Variants in ABCC1 observed in about 807,000 individuals in gnomAD.
ABCC1 encodes ATP binding cassette subfamily C member 1 (ABCC1 blood group), also known as multidrug resistance-associated protein 1.
A neutral mutation model predicts 172.9 loss-of-function variants in ABCC1; 83 were observed. That is an observed-to-expected ratio of 0.48 (90% CI 0.40 to 0.58). ABCC1 has a LOEUF of 0.58. Ranked by LOEUF, ABCC1 falls within the 20% of genes least tolerant of loss-of-function variation. The pLI, the probability that ABCC1 is intolerant of heterozygous loss-of-function variation, is 0.00. For synonymous variants in ABCC1, 937 were observed against 825.2 expected, an observed-to-expected ratio of 1.14 and a Z score of -2.32; for missense variants, 1,817 against 2,002.7, an observed-to-expected ratio of 0.91 and a Z score of 1.77.
intron 26 of ABCC1, among the ~76,000 whole-genome samples, chr16:16,130,490 A>G (rs1245982772): frequency 1.3e-5 from 2 of 152,214 alleles, no homozygotes; most frequent in Non-Finnish European, 2.9e-5. Flanking sequence ...GGAGAAACAG[A>G]GACCATAGTG....
chr16:16,136,306 G>A (rs2045915541), intron 28 of ABCC1, among the ~76,000 whole-genome samples, 172 bp from the exon 29 acceptor site: 1 of 152,112 alleles, frequency 6.6e-6, no homozygotes, highest in African/African-American at 2.4e-5. Context: ...TTACAGGCGT[G>A]AACCACCGTA....
At chr16:16,023,704 C>T (rs1426053598) in intron 5 of ABCC1, among the ~76,000 whole-genome samples, 2 of 152,056 alleles carry the variant, frequency 1.3e-5, no homozygotes, top group African/African-American at 4.8e-5. Context: ...GAGGGAAGTG[C>T]TGGGAGTTGT....
intron 4 of ABCC1, among the ~76,000 whole-genome samples, chr16:16,016,149 GTTTTTT>G (rs71137903): frequency 2.4e-5 from 2 of 84,276 alleles, no homozygotes; most frequent in African/African-American, 4.9e-5. Context: ...TGTGATCTTG[GTTTTTT>G]TTTTTTTTTT....
At chr16:16,006,006 T>A (rs2014793) in intron 1 of ABCC1, among the ~76,000 whole-genome samples, 67,048 of 143,168 alleles carry the variant, frequency 0.47, 15,863 homozygotes, top group Non-Finnish European at 0.54. Flanking sequence ...AAAAAAAAAA[T>A]AAAAATAAAA....
chr16:16,047,254 T>G (rs2049249057), intron 9 of ABCC1, among the ~76,000 whole-genome samples: 1 of 152,140 alleles, frequency 6.6e-6, no homozygotes, highest in Non-Finnish European at 1.5e-5. Context: ...AAATTGCGAT[T>G]GCTGTGGTGG....
chr16:16,034,762 ATTT>A, intron 6 of ABCC1, among the ~76,000 whole-genome samples: 1 of 151,604 alleles, frequency 6.6e-6, no homozygotes. Flanking sequence ...TAATTTTTGT[ATTT>A]TTAGTAGAGA....
At chr16:16,029,265 C>T (rs1253530517) in intron 5 of ABCC1, among the ~76,000 whole-genome samples, 1 of 152,084 alleles carries the variant, frequency 6.6e-6, no homozygotes, top group East Asian at 1.9e-4. Flanking sequence ...CACTATTACC[C>T]AGGCTGGAGT....
At chr16:15,957,281 T>C (rs1437758971) in intron 1 of ABCC1, among the ~76,000 whole-genome samples, 2 of 150,646 alleles carry the variant, frequency 1.3e-5, no homozygotes, top group East Asian at 3.9e-4. Context: ...AGATAGGGTT[T>C]TGCCATGTTG....
intron 4 of ABCC1, among the ~76,000 whole-genome samples, chr16:16,015,224 C>G (rs932613835): frequency 1.2e-4 from 18 of 149,664 alleles, no homozygotes; most frequent in African/African-American, 4.4e-4. Context: ...ACTGTAACTT[C>G]TACCTCCTAT....
At chr16:16,129,542 T>G (rs1443047702) in intron 26 of ABCC1, among the ~76,000 whole-genome samples, 2 of 150,532 alleles carry the variant, frequency 1.3e-5, no homozygotes, top group Non-Finnish European at 3.0e-5. Context: ...TTTTTTTGTT[T>G]TTTTTTTTTT....
intron 19 of ABCC1, among the ~76,000 whole-genome samples, chr16:16,093,255 T>C (rs2051324419): frequency 6.6e-6 from 1 of 152,036 alleles, no homozygotes; most frequent in South Asian, 2.1e-4. Context: ...CCCTTTGTGC[T>C]CTCTAAATCA....
Position 16,141,771 on chromosome 16 carries a change from T to A in ABCC1, c.*490T>A, listed in dbSNP as rs1475031804. 6.3e-6 allele frequency: 1 copy of A among 157,550 alleles called. No individual in the cohort carries two copies. Among genetic ancestry groups the A allele is most frequent in the African/African-American group, 2.4e-5 (1 of 41,640 alleles). 9.8% of individuals were successfully genotyped at this position (157,550 alleles called of 1,614,324 possible). On this transcript the variant is annotated 3_prime_UTR_variant, in exon 31 of 31. Transcript: ENST00000399410. ...CTGGGTCTACCAGGAACGCTTCATT[T>A]CCTTGGGGCTGCAGTTTTGTGGTTG... is the stretch of plus-strand genomic sequence containing the variant.
chr16:16,061,295 G>T (rs2049899328), intron 12 of ABCC1, among the ~76,000 whole-genome samples: 1 of 152,204 alleles, frequency 6.6e-6, no homozygotes, highest in Non-Finnish European at 1.5e-5. Flanking sequence ...GCACCAGATG[G>T]TATTCATACA....
intron 16 of ABCC1, among the ~76,000 whole-genome samples, chr16:16,080,174 CT>C (rs2050754027): frequency 6.6e-6 from 1 of 152,114 alleles, no homozygotes; most frequent in Non-Finnish European, 1.5e-5. Flanking sequence ...GTCTCCTTCC[CT>C]TGCGTCTCTG....
chr16:16,061,626 CAG>C (rs898855536), intron 12 of ABCC1, among the ~76,000 whole-genome samples: 1 of 152,156 alleles, frequency 6.6e-6, no homozygotes, highest in African/African-American at 2.4e-5. Flanking sequence ...TGTGTTTTTC[CAG>C]AGTCCACGTC....
At chr16:16,090,292 A>G (rs1175448235) in intron 18 of ABCC1, 113 bp from the exon 19 acceptor site, 1 of 1,154,692 alleles carries the variant, frequency 8.7e-7, no homozygotes, top group Admixed American at 3.0e-5. Context: ...TTCAGACCTG[A>G]GTTTTGCCCA....
intron 5 of ABCC1, among the ~76,000 whole-genome samples, chr16:16,026,027 T>C (rs2048355666): frequency 6.6e-6 from 1 of 152,166 alleles, no homozygotes; most frequent in African/African-American, 2.4e-5. Flanking sequence ...GCTCCCTGGA[T>C]TACAATCCAG....
intron 12 of ABCC1, among the ~76,000 whole-genome samples, chr16:16,064,558 C>T (rs1201558133): frequency 2.0e-5 from 3 of 152,240 alleles, no homozygotes; most frequent in Admixed American, 2.0e-4. Context: ...GTGCTGCCAG[C>T]AGCCGGCATC....
intron 1 of ABCC1, among the ~76,000 whole-genome samples, chr16:16,000,253 T>C (rs149525129): frequency 6.6e-6 from 1 of 151,624 alleles, no homozygotes; most frequent in Non-Finnish European, 1.5e-5. Flanking sequence ...GCTCAGGTGA[T>C]CTCCTGCTTC....
Sources: allele counts gnomAD v4.1 joint callset (sites outside exome capture counted in the v4.1 genomes callset), GRCh38; gene constraint gnomAD v4.1.1; transcripts MANE v1.5; gene names NCBI Gene and HGNC (gene_info 2026-07-23, HGNC 2026-07-21).